The following NPAS3 variants were observed in gnomAD, a reference collection of about 807,000 sequenced individuals.
NPAS3 encodes neuronal PAS domain-containing protein 3.
Under a neutral mutation model 73.1 loss-of-function variants are expected in NPAS3, and 14 were observed. The ratio of observed to expected loss-of-function variants is 0.19; its 90% CI spans 0.13 to 0.30. The LOEUF is 0.30. NPAS3 is among the 10% of genes least tolerant of loss of function. The pLI is 1.00. For missense variants in NPAS3, 1,096 were observed against 1,250.0 expected (o/e 0.88, Z 1.86); for synonymous variants, 620 against 541.5 (o/e 1.14, Z -2.01).
intron 5 of NPAS3, among the ~76,000 whole-genome samples, chr14:33,605,932 A>G (rs562623470): frequency 2.0e-5 from 3 of 152,324 alleles, no homozygotes; most frequent in Admixed American, 6.5e-5. Flanking sequence ...AAAAGGAAAA[A>G]CAAAGTTTGA....
intron 3 of NPAS3, among the ~76,000 whole-genome samples, chr14:33,356,106 A>G (rs1161459460): frequency 1.3e-5 from 2 of 152,238 alleles, no homozygotes; most frequent in Non-Finnish European, 2.9e-5. Flanking sequence ...GTAAAGTTTT[A>G]TTAAAATAGG....
chr14:33,097,012 A>C (rs928871101), intron 2 of NPAS3, among the ~76,000 whole-genome samples: 1 of 152,236 alleles, frequency 6.6e-6, no homozygotes, highest in African/African-American at 2.4e-5. Context: ...TTAATCAAGG[A>C]ATAAAACAGC....
At chr14:33,782,814 GTTTTTT>G (rs57849305) in intron 9 of NPAS3, among the ~76,000 whole-genome samples, 4,979 of 147,178 alleles carry the variant, frequency 0.034, 141 homozygotes, top group African/African-American at 0.061. Context: ...CTTGGGGGTT[GTTTTTT>G]TTTAAAAAAA....
intron 4 of NPAS3, among the ~76,000 whole-genome samples, chr14:33,386,244 A>C (rs2046770992): frequency 6.6e-6 from 1 of 152,194 alleles, no homozygotes. Context: ...TACATGAAAA[A>C]AGGGACAGAG....
At chr14:33,606,202 C>T (rs946168548) in intron 5 of NPAS3, among the ~76,000 whole-genome samples, 2 of 150,188 alleles carry the variant, frequency 1.3e-5, no homozygotes, top group Non-Finnish European at 3.0e-5. Flanking sequence ...AGGTATATCT[C>T]CTAAAGCTAT....
chr14:33,131,711 G>A (rs892060530), intron 2 of NPAS3, among the ~76,000 whole-genome samples: 1 of 152,154 alleles, frequency 6.6e-6, no homozygotes, highest in African/African-American at 2.4e-5. Flanking sequence ...ACAGAGGAAT[G>A]TAAGTTAGTC....
chr14:33,406,756 TAGAGA>T (rs919874475), intron 4 of NPAS3, among the ~76,000 whole-genome samples: 2 of 151,858 alleles, frequency 1.3e-5, no homozygotes, highest in African/African-American at 4.8e-5. Flanking sequence ...GTGGGGAGAG[TAGAGA>T]AATCAGGCAC....
At chr14:33,419,590 TG>T (rs2048293264) in intron 4 of NPAS3, among the ~76,000 whole-genome samples, 1 of 151,942 alleles carries the variant, frequency 6.6e-6, no homozygotes. Context: ...GAAACATCCT[TG>T]TTTAGTGACC....
At chr14:33,050,148 C>G (rs1478979640) in intron 1 of NPAS3, among the ~76,000 whole-genome samples, 1 of 152,162 alleles carries the variant, frequency 6.6e-6, no homozygotes, top group Admixed American at 6.5e-5. Flanking sequence ...CAATTTGGTG[C>G]TTGGGCCCTG....
rs151318580 is a variant in NPAS3 at position 33,645,887 on chromosome 14, C to A, written c.559-30324C>A. ...CATGAGTGCATGCGTCTCACATGTTCCTTCAACAGACCTTCATTGAGGGCC... is the reference window on the plus strand; with the variant it reads ...CATGAGTGCATGCGTCTCACATGTTACTTCAACAGACCTTCATTGAGGGCC... On this transcript the variant is annotated intron_variant, in intron 5 of 11. Coordinates refer to ENST00000356141, the Ensembl canonical transcript of NPAS3. 3.8e-3 allele frequency among the ~76,000 whole-genome samples: 580 copies of A among 152,346 alleles called. 2 individuals are homozygous for A. Among genetic ancestry groups the A allele is most frequent in the Non-Finnish European group, 6.1e-3 (417 of 68,040 alleles).
chr14:33,755,206 T>C (rs1429798635), intron 7 of NPAS3, among the ~76,000 whole-genome samples: 1 of 152,250 alleles, frequency 6.6e-6, no homozygotes, highest in African/African-American at 2.4e-5. Flanking sequence ...AAATATTCTG[T>C]AAACTCTAAG....
chr14:33,605,009 C>T (rs961212736), intron 5 of NPAS3, among the ~76,000 whole-genome samples: 3 of 151,762 alleles, frequency 2.0e-5, no homozygotes, highest in Non-Finnish European at 4.4e-5. Flanking sequence ...AAGAAATTAG[C>T]ATCTAAAGAA....
At chr14:33,636,770 C>G (rs987286985) in intron 5 of NPAS3, among the ~76,000 whole-genome samples, 1 of 152,134 alleles carries the variant, frequency 6.6e-6, no homozygotes, top group African/African-American at 2.4e-5. Context: ...CACCGGGGCC[C>G]TAAATTGCCA....
chr14:32,944,833 G>A (rs968230890), intron 1 of NPAS3, among the ~76,000 whole-genome samples: 10 of 152,174 alleles, frequency 6.6e-5, no homozygotes, highest in African/African-American at 1.9e-4. Context: ...AAAACATCAC[G>A]TCTTGGTGAA....
intron 1 of NPAS3, among the ~76,000 whole-genome samples, chr14:33,054,357 A>G (rs2040809986): frequency 6.6e-6 from 1 of 152,174 alleles, no homozygotes; most frequent in Non-Finnish European, 1.5e-5. Flanking sequence ...TTAATTATAA[A>G]TAGAACTGTT....
At chr14:33,249,326 C>T (rs1274786895) in intron 3 of NPAS3, among the ~76,000 whole-genome samples, 1 of 140,406 alleles carries the variant, frequency 7.1e-6, no homozygotes, top group Non-Finnish European at 1.5e-5. Flanking sequence ...CACTTTACTC[C>T]ATTTTAATTC....
At chr14:32,981,996 G>A (rs1399285857) in intron 1 of NPAS3, among the ~76,000 whole-genome samples, 2 of 152,076 alleles carry the variant, frequency 1.3e-5, no homozygotes, top group Non-Finnish European at 2.9e-5. Flanking sequence ...ACTGTCTGAT[G>A]AACTCCTCTC....
chr14:33,507,775 G>A (rs1255407820), intron 4 of NPAS3, among the ~76,000 whole-genome samples: 3 of 151,920 alleles, frequency 2.0e-5, no homozygotes, highest in Non-Finnish European at 2.9e-5. Flanking sequence ...ATTTTTCTCT[G>A]ACAATGCTGT....
rs982043196 is a variant in NPAS3 at position 32,942,110 on chromosome 14, T to A, written c.50+2744T>A. Among the ~76,000 whole-genome samples the A allele has an allele frequency of 2.6e-5, 4 of 152,212 alleles. No individual in the cohort carries two copies. In the East Asian group the frequency reaches 5.8e-4, roughly 22 times the overall value. On this transcript the variant is annotated intron_variant, in intron 1 of 11. Transcript: ENST00000356141. The stretch of plus-strand genomic sequence containing the variant: ...TCCTTGTAGCAGTTGAACACAAATA[T>A]GTTTATAAAAGATGACTTTCTGTGG...
Sources: gnomAD v4.1 joint callset for allele counts (sites outside exome capture counted in the v4.1 genomes callset) on GRCh38, gnomAD v4.1.1 for gene constraint, MANE v1.5 for transcripts, NCBI Gene and HGNC (gene_info 2026-07-23, HGNC 2026-07-21) for gene names.